The following GHR variants were observed in gnomAD, a reference collection of about 807,000 sequenced individuals.
GHR encodes the protein GH receptor.
GHR carries 35 observed loss-of-function variants against 67.1 expected under a neutral mutation model. The ratio of observed to expected loss-of-function variants is 0.52; its 90% CI spans 0.40 to 0.69. GHR has a LOEUF of 0.69. GHR is among the 30% of genes least tolerant of loss of function. GHR has a pLI of 0.00. For synonymous variants in GHR, 272 were observed against 269.1 expected (o/e 1.01, Z -0.10); for missense variants, 792 against 764.6 (o/e 1.04, Z -0.42).
chr5:42,605,265 G>A (rs1265098960), intron 2 of GHR, among the ~76,000 whole-genome samples: 2 of 151,614 alleles, frequency 1.3e-5, no homozygotes, highest in East Asian at 1.9e-4. Context: ...CAACACGCCC[G>A]GCTAATTTTG....
At chr5:42,621,670 G>A (rs1753454479) in intron 2 of GHR, among the ~76,000 whole-genome samples, 1 of 152,040 alleles carries the variant, frequency 6.6e-6, no homozygotes. Flanking sequence ...TTAAACATGT[G>A]CTTTTTTAAA....
chr5:42,468,655 G>C (rs1009734861), intron 1 of GHR: 4 of 1,035,158 alleles, frequency 3.9e-6, no homozygotes, highest in Non-Finnish European at 6.0e-6. Context: ...GGGACTCCTT[G>C]CGCAGCTAGC....
intron 3 of GHR, among the ~76,000 whole-genome samples, chr5:42,634,521 G>GCA (rs10684580): frequency 0.041 from 6,066 of 148,838 alleles, 159 homozygotes; most frequent in Non-Finnish European, 0.057. Flanking sequence ...ATTGAATTTT[G>GCA]CACACACACA....
chr5:42,631,664 G>A (rs531443580), intron 3 of GHR, among the ~76,000 whole-genome samples: 1 of 152,292 alleles, frequency 6.6e-6, no homozygotes, highest in Admixed American at 6.5e-5. Context: ...TGAAAAGTTA[G>A]TGTTTAATAT....
chr5:42,488,344 C>T (rs972703169), intron 1 of GHR, among the ~76,000 whole-genome samples: 1 of 152,172 alleles, frequency 6.6e-6, no homozygotes, highest in Non-Finnish European at 1.5e-5. Flanking sequence ...TCAAAGTTAA[C>T]TCGTAAGTAA....
intron 1 of GHR, chr5:42,468,722 C>A: frequency 2.0e-6 from 2 of 986,416 alleles, no homozygotes. Flanking sequence ...CCGCTCTTGG[C>A]CCCAGAGACG....
At chr5:42,551,423 C>T (rs1561115922) in intron 1 of GHR, among the ~76,000 whole-genome samples, 2 of 152,132 alleles carry the variant, frequency 1.3e-5, no homozygotes, top group African/African-American at 4.8e-5. Flanking sequence ...ATTTGTCTAA[C>T]AGTAGCCTTG....
At chr5:42,467,228 C>A in intron 1 of GHR, 1 of 1,471,574 alleles carries the variant, frequency 6.8e-7, no homozygotes, top group Non-Finnish European at 9.5e-7. Flanking sequence ...TAAGGTTTCT[C>A]TGCAGTGTGA....
chr5:42,621,588 G>A (rs890325794), intron 2 of GHR, among the ~76,000 whole-genome samples: 2 of 152,110 alleles, frequency 1.3e-5, no homozygotes, highest in Admixed American at 6.6e-5. Flanking sequence ...TTATCATTGC[G>A]CATTGATTCT....
intron 3 of GHR, among the ~76,000 whole-genome samples, chr5:42,649,783 C>T (rs1222951385): frequency 6.6e-6 from 1 of 152,148 alleles, no homozygotes; most frequent in Non-Finnish European, 1.5e-5. Flanking sequence ...AGCATGTTCT[C>T]CTGGGCATAG....
chr5:42,697,762 A>G (rs542723003), intron 5 of GHR, among the ~76,000 whole-genome samples: 2 of 152,262 alleles, frequency 1.3e-5, no homozygotes, highest in East Asian at 3.9e-4. Flanking sequence ...TTAGATGATG[A>G]GCGATGTGAT....
At chr5:42,532,978 A>G (rs1199973927) in intron 1 of GHR, among the ~76,000 whole-genome samples, 2 of 152,142 alleles carry the variant, frequency 1.3e-5, no homozygotes, top group Non-Finnish European at 2.9e-5. Context: ...GTGTCTTAGG[A>G]TATGTACAAT....
intron 2 of GHR, among the ~76,000 whole-genome samples, chr5:42,628,717 G>T (rs1301165118): frequency 7.6e-6 from 1 of 131,884 alleles, no homozygotes; most frequent in African/African-American, 3.2e-5. Flanking sequence ...ATGGCCTATA[G>T]GTGTGACTTA....
chr5:42,713,402 A>C, intron 7 of GHR, 27 bp from the exon 8 acceptor site: 1 of 995,730 alleles, frequency 1.0e-6, no homozygotes, highest in Non-Finnish European at 1.6e-6. Context: ...CGTAATTCTG[A>C]AAGCGAAATA....
chr5:42,514,677 G>C (rs1162868568), intron 1 of GHR, among the ~76,000 whole-genome samples: 1 of 152,206 alleles, frequency 6.6e-6, no homozygotes, highest in African/African-American at 2.4e-5. Context: ...TTCTGCCACA[G>C]TGGGGACATT....
At chr5:42,632,000 T>C (rs1276246802) in intron 3 of GHR, among the ~76,000 whole-genome samples, 2 of 151,882 alleles carry the variant, frequency 1.3e-5, no homozygotes, top group East Asian at 3.9e-4. Context: ...TTTAGCAGCA[T>C]CTCCCTCCTC....
chr5:42,484,645 A>T (rs1339666411), intron 1 of GHR, among the ~76,000 whole-genome samples: 1 of 152,244 alleles, frequency 6.6e-6, no homozygotes, highest in Non-Finnish European at 1.5e-5. Context: ...CTGCTCACTC[A>T]GGTCCACTGA....
At chr5:42,612,188 T>C (rs1223051406) in intron 2 of GHR, among the ~76,000 whole-genome samples, 2 of 152,148 alleles carry the variant, frequency 1.3e-5, no homozygotes, top group East Asian at 3.9e-4. Context: ...GACATTTGTC[T>C]GAATTATAGA....
intron 1 of GHR, among the ~76,000 whole-genome samples, chr5:42,528,405 G>T (rs183768062): frequency 3.9e-5 from 6 of 152,140 alleles, no homozygotes; most frequent in Non-Finnish European, 7.4e-5. Flanking sequence ...GGAGAAAGCC[G>T]CTGCAAGTGT....
Sources: allele counts gnomAD v4.1 joint callset (sites outside exome capture counted in the v4.1 genomes callset), GRCh38; gene constraint gnomAD v4.1.1; transcripts MANE v1.5; gene names NCBI Gene and HGNC (gene_info 2026-07-23, HGNC 2026-07-21).